Variants in RANBP2 observed in about 807,000 individuals in gnomAD.
RANBP2 encodes the protein RAN binding protein 2, also known as E3 SUMO-protein ligase RanBP2.
In RANBP2, 57 loss-of-function variants were observed where a neutral mutation model predicts 303.6. The observed-to-expected ratio is 0.19, with a 90% confidence interval of 0.15 to 0.23. The LOEUF is 0.23. Among genes scored for constraint, RANBP2 ranks in the 10% least tolerant of loss-of-function variants. The pLI is 1.00. For missense variants in RANBP2, 3,138 were observed against 3,780.8 expected, an observed-to-expected ratio of 0.83 and a Z score of 4.46; for synonymous variants, 1,167 against 1,301.5, an observed-to-expected ratio of 0.90 and a Z score of 2.23.
the RANBP2 span, among the ~76,000 whole-genome samples, chr2:108,795,090 A>G: frequency 3.3e-5 from 5 of 151,700 alleles, no homozygotes; most frequent in Non-Finnish European, 7.4e-5. Flanking sequence ...ACTCTCATCA[A>G]AATTGAACTC....
the RANBP2 span, among the ~76,000 whole-genome samples, chr2:108,987,677 T>G: frequency 6.6e-6 from 1 of 152,218 alleles, no homozygotes; most frequent in African/African-American, 2.4e-5. Flanking sequence ...CAGCACAGCC[T>G]GGCCCACTTA....
chr2:108,962,250 C>T, the RANBP2 span, among the ~76,000 whole-genome samples: 1 of 152,230 alleles, frequency 6.6e-6, no homozygotes, highest in Non-Finnish European at 1.5e-5. Flanking sequence ...ACATGTGAAC[C>T]AACGTTCATT....
the RANBP2 span, among the ~76,000 whole-genome samples, chr2:109,415,076 C>T: frequency 6.6e-6 from 1 of 152,188 alleles, no homozygotes; most frequent in Non-Finnish European, 1.5e-5. Flanking sequence ...GAGAGGAAGA[C>T]GTGGCACTGC....
the RANBP2 span, among the ~76,000 whole-genome samples, chr2:109,081,460 C>G: frequency 1.3e-5 from 2 of 152,134 alleles, no homozygotes; most frequent in East Asian, 1.9e-4. Flanking sequence ...CATGGGGCTC[C>G]GCGTCTGTGG....
chr2:109,019,890 T>C, the RANBP2 span, among the ~76,000 whole-genome samples: 2 of 152,194 alleles, frequency 1.3e-5, no homozygotes, highest in Non-Finnish European at 2.9e-5. Flanking sequence ...TTTTCTATAA[T>C]GGAGATAGTT....
the RANBP2 span, among the ~76,000 whole-genome samples, chr2:109,437,810 C>T: frequency 6.6e-6 from 1 of 152,206 alleles, no homozygotes; most frequent in Non-Finnish European, 1.5e-5. Flanking sequence ...GTAAGCACAT[C>T]TTGGTTGGTG....
the RANBP2 span, among the ~76,000 whole-genome samples, chr2:108,959,695 T>G: frequency 6.6e-6 from 1 of 152,124 alleles, no homozygotes; most frequent in Admixed American, 6.5e-5. Flanking sequence ...GCTGGGGCCG[T>G]GGGCAGTGGA....
chr2:109,588,813 T>C, the RANBP2 span, among the ~76,000 whole-genome samples: 4 of 146,412 alleles, frequency 2.7e-5, no homozygotes, highest in East Asian at 8.3e-4. Flanking sequence ...TATTTGAAGG[T>C]TGGGTGTGGT....
chr2:109,270,328 G>A, the RANBP2 span, among the ~76,000 whole-genome samples: 1 of 152,206 alleles, frequency 6.6e-6, no homozygotes, highest in African/African-American at 2.4e-5. Flanking sequence ...CCGGGCATGG[G>A]GAGGATTGCC....
At chr2:109,541,821 CA>C in the RANBP2 span, among the ~76,000 whole-genome samples, 1 of 152,198 alleles carries the variant, frequency 6.6e-6, no homozygotes, top group East Asian at 1.9e-4. Flanking sequence ...TGCCCTGCTC[CA>C]AACCTACTTG....
At chr2:108,791,848 A>C in the RANBP2 span, 2 of 1,512,268 alleles carry the variant, frequency 1.3e-6, no homozygotes, top group Non-Finnish European at 1.8e-6. Flanking sequence ...TAACTTTGTC[A>C]AGTAGAGTAA....
the RANBP2 span, among the ~76,000 whole-genome samples, chr2:109,140,531 C>T: frequency 6.6e-6 from 1 of 152,092 alleles, no homozygotes; most frequent in Non-Finnish European, 1.5e-5. Flanking sequence ...CAGGCGCCCA[C>T]CACCATGCCT....
chr2:109,479,723 G>A, the RANBP2 span, among the ~76,000 whole-genome samples: 28,119 of 152,162 alleles, frequency 0.18, 3,159 homozygotes, highest in South Asian at 0.25. Flanking sequence ...TTAGAAAGGA[G>A]GGAATGAACC....
the RANBP2 span, chr2:109,545,287 G>GGGGGGA: frequency 7.0e-7 from 1 of 1,425,166 alleles, no homozygotes. Context: ...ACTTAAGTGG[G>GGGGGGA]AGAAATAAAA....
chr2:109,435,027 T>A, the RANBP2 span, among the ~76,000 whole-genome samples: 274 of 152,240 alleles, frequency 1.8e-3, 2 homozygotes, highest in Non-Finnish European at 3.3e-3. Flanking sequence ...TTGCTCACTC[T>A]CCTCAAGCCC....
At chr2:109,539,238 C>T in the RANBP2 span, among the ~76,000 whole-genome samples, 1 of 150,792 alleles carries the variant, frequency 6.6e-6, no homozygotes, top group Non-Finnish European at 1.5e-5. Context: ...GCAGAGGTTG[C>T]AGTGAGCCGA....
chr2:109,206,689 G>A, the RANBP2 span, among the ~76,000 whole-genome samples: 2 of 151,748 alleles, frequency 1.3e-5, no homozygotes, highest in Non-Finnish European at 2.9e-5. Flanking sequence ...ATTAGTGTAT[G>A]CTTATAATTC....
chr2:109,072,999 G>T, the RANBP2 span, among the ~76,000 whole-genome samples: 1 of 152,124 alleles, frequency 6.6e-6, no homozygotes, highest in Non-Finnish European at 1.5e-5. Context: ...TATCAAATGT[G>T]CAGAAACCAA....
chr2:109,297,971 G>C, the RANBP2 span, among the ~76,000 whole-genome samples: 1 of 152,156 alleles, frequency 6.6e-6, no homozygotes, highest in East Asian at 1.9e-4. Flanking sequence ...AACCAGGCCA[G>C]TGCCCCAGGC....
Sources: gnomAD v4.1 joint callset for allele counts (sites outside exome capture counted in the v4.1 genomes callset) on GRCh38, gnomAD v4.1.1 for gene constraint, MANE v1.5 for transcripts, NCBI Gene and HGNC (gene_info 2026-07-23, HGNC 2026-07-21) for gene names.